Variants in PLCB4 observed in about 807,000 individuals in gnomAD.
PLCB4 encodes phospholipase C beta 4.
Under a neutral mutation model 178.8 loss-of-function variants are expected in PLCB4, and 77 were observed. That is an observed-to-expected ratio of 0.43 (90% CI 0.36 to 0.52). The LOEUF (loss-of-function observed/expected upper bound fraction) is 0.52, where lower values mean the gene tolerates loss of function less well. Among genes scored for constraint, PLCB4 ranks in the 20% least tolerant of loss-of-function variants. The probability of loss-of-function intolerance (pLI) is 0.00; values close to 1 mark genes in which losing one functional copy is unlikely to be tolerated. For synonymous variants in PLCB4, 496 were observed against 490.8 expected (o/e 1.01, Z -0.14); for missense variants, 1,024 against 1,453.4 (o/e 0.70, Z 4.80).
At chr20:9,173,739 C>G (rs115168631) in intron 2 of PLCB4, among the ~76,000 whole-genome samples, 1 of 152,144 alleles carries the variant, frequency 6.6e-6, no homozygotes. Context: ...TGAGCCCACT[C>G]AGATAATACA....
chr20:9,095,265 T>C (rs1026398061), intron 1 of PLCB4, among the ~76,000 whole-genome samples: 1 of 152,242 alleles, frequency 6.6e-6, no homozygotes, highest in African/African-American at 2.4e-5. Context: ...ATTTCTCATT[T>C]GGGGAGAGGG....
intron 28 of PLCB4, among the ~76,000 whole-genome samples, chr20:9,429,385 T>C (rs2041243147): frequency 6.6e-6 from 1 of 152,084 alleles, no homozygotes; most frequent in South Asian, 2.1e-4. Flanking sequence ...AACCCTAAAC[T>C]AAATGGGAAA....
At chr20:9,209,266 T>G (rs2093646810) in intron 2 of PLCB4, among the ~76,000 whole-genome samples, 1 of 152,176 alleles carries the variant, frequency 6.6e-6, no homozygotes. Context: ...TTTAGCCTCT[T>G]TGCTGGTCAG....
intron 2 of PLCB4, among the ~76,000 whole-genome samples, chr20:9,188,707 G>C (rs1161143263): frequency 2.2e-5 from 3 of 138,822 alleles, no homozygotes; most frequent in Non-Finnish European, 4.6e-5. Flanking sequence ...ATTGTGGAGG[G>C]CTGTCATATA....
intron 2 of PLCB4, among the ~76,000 whole-genome samples, chr20:9,120,474 A>T (rs962335754): frequency 2.6e-5 from 4 of 151,972 alleles, no homozygotes; most frequent in African/African-American, 9.7e-5. Flanking sequence ...TCTCTCTCTT[A>T]GCAACATCTT....
chr20:9,425,174 C>T (rs142520065), intron 28 of PLCB4, among the ~76,000 whole-genome samples: 70 of 152,192 alleles, frequency 4.6e-4, no homozygotes, highest in African/African-American at 1.6e-3. Flanking sequence ...GCACTGGAGA[C>T]AAGTGGTAGG....
At chr20:9,312,353 TACACACACACACACACACACAC>T (rs34443371) in intron 4 of PLCB4, among the ~76,000 whole-genome samples, 1 of 127,784 alleles carries the variant, frequency 7.8e-6, no homozygotes. Context: ...CCTTCCACCC[TACACACACACACACACACACAC>T]ACACACACAC....
At chr20:9,391,353 A>T (rs1411391675) in intron 17 of PLCB4, among the ~76,000 whole-genome samples, 1 of 152,192 alleles carries the variant, frequency 6.6e-6, no homozygotes, top group Admixed American at 6.5e-5. Flanking sequence ...TAAGATCCAC[A>T]ATCACAAGAT....
intron 28 of PLCB4, among the ~76,000 whole-genome samples, chr20:9,433,065 A>C (rs2041535797): frequency 6.6e-6 from 1 of 151,942 alleles, no homozygotes; most frequent in African/African-American, 2.4e-5. Flanking sequence ...GCACCTCTAA[A>C]AGTAATGTTG....
rs1410270986 is a variant in PLCB4, at chr20:9,472,774, T to TGCCCATTG, written c.3351-15_3351-8dup. ...TCAATGTCATACCAACCGTTATTTG[T>TGCCCATTG]GCCCATTGCTTTTAGGCGAGTCAGG... On this transcript the variant is annotated splice_polypyrimidine_tract_variant and intron_variant, in intron 36 of 39. Coordinates refer to ENST00000378473, the MANE Select transcript of PLCB4 (RefSeq NM_001377142.1). 6.5e-7 allele frequency: 1 copy of TGCCCATTG among 1,545,592 alleles called. No individual in the cohort carries two copies. Among genetic ancestry groups the TGCCCATTG allele is most frequent in the Non-Finnish European group, 8.9e-7 (1 of 1,127,672 alleles).
chr20:9,085,788 T>G (rs2090382507), intron 1 of PLCB4, among the ~76,000 whole-genome samples: 1 of 152,124 alleles, frequency 6.6e-6, no homozygotes, highest in African/African-American at 2.4e-5. Context: ...CATCCTCAAT[T>G]ACGTAATAAA....
intron 3 of PLCB4, among the ~76,000 whole-genome samples, chr20:9,304,662 T>C (rs1423355990): frequency 6.6e-6 from 1 of 152,136 alleles, no homozygotes; most frequent in Non-Finnish European, 1.5e-5. Flanking sequence ...TTTCTCCGTG[T>C]ACTTTGTCAA....
At chr20:9,236,441 C>G (rs779748968) in intron 3 of PLCB4, among the ~76,000 whole-genome samples, 4 of 152,056 alleles carry the variant, frequency 2.6e-5, no homozygotes, top group African/African-American at 9.7e-5. Flanking sequence ...CTTTTGTGTG[C>G]GTGTGTTTTT....
intron 2 of PLCB4, among the ~76,000 whole-genome samples, chr20:9,121,577 C>T (rs987169626): frequency 1.3e-5 from 2 of 152,138 alleles, no homozygotes; most frequent in Non-Finnish European, 2.9e-5. Flanking sequence ...AGTTACTGAA[C>T]ACACCGATAT....
intron 7 of PLCB4, among the ~76,000 whole-genome samples, chr20:9,360,155 A>G (rs1419240315): frequency 1.3e-5 from 2 of 152,294 alleles, no homozygotes; most frequent in Middle Eastern, 3.4e-3. Flanking sequence ...AGGCAAGGCC[A>G]TTGACCTCAC....
intron 2 of PLCB4, among the ~76,000 whole-genome samples, chr20:9,138,913 C>T (rs2092435203): frequency 6.6e-6 from 1 of 152,052 alleles, no homozygotes; most frequent in Non-Finnish European, 1.5e-5. Context: ...GAATTCCACT[C>T]CAGAGGCATG....
Position 9,121,478 on chromosome 20 carries a change from G to T in PLCB4, c.-79+25136G>T, listed in dbSNP as rs531154063. ...ACCCTTTAATTTCAATTAGTCAGTCGTAAATATTTGTCCCTATGGCAGGAC... is the reference window on the plus strand; with the variant it reads ...ACCCTTTAATTTCAATTAGTCAGTCTTAAATATTTGTCCCTATGGCAGGAC... On this transcript the variant is annotated intron_variant, in intron 2 of 39. Coordinates refer to ENST00000378473, the MANE Select transcript of PLCB4 (RefSeq NM_001377142.1). Among the ~76,000 whole-genome samples the T allele has an allele frequency of 2.0e-5, 3 of 152,200 alleles. No homozygotes were observed. The East Asian group carries it at 5.8e-4, about 29-fold the overall frequency.
intron 2 of PLCB4, among the ~76,000 whole-genome samples, chr20:9,210,368 GA>G (rs2093660660): frequency 6.6e-6 from 1 of 152,086 alleles, no homozygotes; most frequent in Non-Finnish European, 1.5e-5. Flanking sequence ...TGACGGCAAA[GA>G]AAAAATACAG....
intron 2 of PLCB4, among the ~76,000 whole-genome samples, chr20:9,189,639 G>C (rs772343522): frequency 6.6e-6 from 1 of 152,166 alleles, no homozygotes; most frequent in Non-Finnish European, 1.5e-5. Flanking sequence ...CAGACTGGGC[G>C]ATTTATAAAC....
Sources: allele counts gnomAD v4.1 joint callset (sites outside exome capture counted in the v4.1 genomes callset), GRCh38; gene constraint gnomAD v4.1.1; transcripts MANE v1.5; gene names NCBI Gene and HGNC (gene_info 2026-07-23, HGNC 2026-07-21).